Variants in IPCEF1 observed in about 807,000 individuals in gnomAD.
IPCEF1 encodes the protein interactor protein for cytohesin exchange factors 1.
In IPCEF1, 31 loss-of-function variants were observed where a neutral mutation model predicts 50.9. The observed-to-expected ratio is 0.61, with a 90% CI of 0.46 to 0.82. The LOEUF is 0.82. IPCEF1 is among the 40% of genes least tolerant of loss of function. The pLI is 0.00. For missense variants in IPCEF1, 458 were observed against 514.0 expected, an observed-to-expected ratio of 0.89 and a Z score of 1.05; for synonymous variants, 181 against 192.0, an observed-to-expected ratio of 0.94 and a Z score of 0.47.
intron 10 of IPCEF1, among the ~76,000 whole-genome samples, chr6:154,188,819 A>G (rs189260762): frequency 6.6e-6 from 1 of 152,364 alleles, no homozygotes; most frequent in East Asian, 1.9e-4. Context: ...ATATGGAGTA[A>G]GATGATATTG....
intron 8 of IPCEF1, 112 bp downstream of exon 8, chr6:154,214,106 G>A (rs1391749139): frequency 8.1e-6 from 6 of 744,644 alleles, no homozygotes; most frequent in Non-Finnish European, 1.4e-5. Flanking sequence ...AAATGCCAAA[G>A]CATGTTTCCT....
At chr6:154,290,530 C>G (rs1782487427) in intron 1 of IPCEF1, among the ~76,000 whole-genome samples, 1 of 152,182 alleles carries the variant, frequency 6.6e-6, no homozygotes, top group African/African-American at 2.4e-5. Context: ...GCCTCAGTCT[C>G]TCACTCTAAG....
At chr6:154,309,501 A>G (rs1783019917) in intron 1 of IPCEF1, among the ~76,000 whole-genome samples, 1 of 152,182 alleles carries the variant, frequency 6.6e-6, no homozygotes, top group Admixed American at 6.5e-5. Flanking sequence ...CAGAGCTGTT[A>G]GATACCATCC....
intron 7 of IPCEF1, chr6:154,219,295 ACT>A (rs1353291981): frequency 6.6e-6 from 1 of 151,854 alleles, no homozygotes; most frequent in African/African-American, 2.4e-5. Flanking sequence ...TTTCTCTGCT[ACT>A]CTGTCTCACT....
intron 1 of IPCEF1, among the ~76,000 whole-genome samples, chr6:154,355,847 C>A (rs1784209143): frequency 1.3e-5 from 2 of 150,498 alleles, no homozygotes; most frequent in South Asian, 2.1e-4. Flanking sequence ...GATGAGGTCT[C>A]ATTATTTTGC....
In IPCEF1 at chr6:154,155,972, T is replaced by G. The variant is rs1010524933; in HGVS notation, c.*3856A>C. ...ATTATCATGATTACATGAAAAGCAA[T>G]TAAGAGAAGAAGGTCAAAGGACCAA... On this transcript the variant is annotated 3_prime_UTR_variant, in exon 12 of 12. Coordinates refer to ENST00000367220, the MANE Select transcript of IPCEF1 (RefSeq NM_001130700.2). The G allele has an allele frequency of 6.6e-6, 1 of 152,194 alleles. No individual in the cohort carries two copies. The highest frequency in any genetic ancestry group is 2.4e-5 in the African/African-American group (1 of 41,454). 9.4% of individuals were successfully genotyped at this position (152,194 alleles called of 1,614,324 possible).
chr6:154,348,369 C>G (rs1307005625), intron 1 of IPCEF1, among the ~76,000 whole-genome samples: 1 of 152,070 alleles, frequency 6.6e-6, no homozygotes, highest in Non-Finnish European at 1.5e-5. Flanking sequence ...TGTATTTGAC[C>G]AAGAGAGTTC....
chr6:154,180,102 TATC>T (rs948273156), intron 10 of IPCEF1, among the ~76,000 whole-genome samples: 2 of 152,150 alleles, frequency 1.3e-5, no homozygotes, highest in Non-Finnish European at 2.9e-5. Context: ...CACTCTGTAT[TATC>T]TCTTAACTGA....
At chr6:154,195,011 C>T (rs369830094) in intron 10 of IPCEF1, among the ~76,000 whole-genome samples, 63 of 151,818 alleles carry the variant, frequency 4.1e-4, no homozygotes, top group Middle Eastern at 6.8e-3. Flanking sequence ...TGCTGCAGAA[C>T]CCCTCATCTC....
intron 5 of IPCEF1, among the ~76,000 whole-genome samples, chr6:154,232,227 A>G (rs975112024): frequency 1.3e-5 from 2 of 152,240 alleles, no homozygotes; most frequent in Non-Finnish European, 2.9e-5. Context: ...AGCTGCACGT[A>G]TTAGCATCGG....
intron 11 of IPCEF1, among the ~76,000 whole-genome samples, chr6:154,166,766 C>T (rs1208946831): frequency 6.6e-6 from 1 of 152,162 alleles, no homozygotes; most frequent in African/African-American, 2.4e-5. Flanking sequence ...TATCAGCTAT[C>T]ACAGACAAAG....
rs1799568548 is a variant in IPCEF1 at position 154,167,937 on chromosome 6, A to G, written c.1087T>C (p.Leu363=). ...INEKLHKIRT[L]NSTLKCKEHD... The stretch of plus-strand genomic sequence containing the variant: ...TTTGTTACCTTTAATGTGCTATTCA[A>G]TGTTCGGATTTTGTGGAGTTTCTCG... Residue 363 remains leucine, a synonymous_variant, in exon 11 of 12, where the codon TTG becomes CTG. Coordinates refer to ENST00000367220, the MANE Select transcript of IPCEF1 (RefSeq NM_001130700.2). 2 of 1,595,582 alleles carry G rather than the reference A, an allele frequency of 1.3e-6. No homozygotes were observed. The highest frequency in any genetic ancestry group is 1.7e-6 in the Non-Finnish European group (2 of 1,164,920).
chr6:154,276,538 G>A (rs531938833), intron 2 of IPCEF1, among the ~76,000 whole-genome samples: 2 of 152,326 alleles, frequency 1.3e-5, no homozygotes, highest in African/African-American at 2.4e-5. Flanking sequence ...CAGCAAGGTT[G>A]TAAAGTAACT....
intron 10 of IPCEF1, among the ~76,000 whole-genome samples, chr6:154,173,541 C>T (rs1162773368): frequency 6.6e-6 from 1 of 151,948 alleles, no homozygotes; most frequent in Non-Finnish European, 1.5e-5. Flanking sequence ...GCTTCAACAG[C>T]CGATTCAATC....
At chr6:154,245,583 G>C (rs891406405) in intron 5 of IPCEF1, among the ~76,000 whole-genome samples, 1 of 152,208 alleles carries the variant, frequency 6.6e-6, no homozygotes, top group African/African-American at 2.4e-5. Context: ...ATGATGTACA[G>C]CTCTGTTGCT....
intron 8 of IPCEF1, among the ~76,000 whole-genome samples, chr6:154,213,945 G>A (rs1778171439): frequency 6.6e-6 from 1 of 152,198 alleles, no homozygotes; most frequent in Admixed American, 6.5e-5. Context: ...TTAAACATTT[G>A]CATCGGTGAC....
At chr6:154,301,937 G>A (rs1782807410) in intron 1 of IPCEF1, among the ~76,000 whole-genome samples, 1 of 152,218 alleles carries the variant, frequency 6.6e-6, no homozygotes. Context: ...AAACAGCGTG[G>A]TGCCTGAGAT....
rs114438797 is a variant in IPCEF1, at chr6:154,186,357, C to T, written c.910+13311G>A. On this transcript the variant is annotated intron_variant, in intron 10 of 11. Coordinates refer to ENST00000367220, the MANE Select transcript of IPCEF1 (RefSeq NM_001130700.2). ...TGACTTCTGTCTTTCTCTTTCAAACCGCATGTCAGCAAATTCCATTGTCTC... is the reference window on the plus strand; with the variant it reads ...TGACTTCTGTCTTTCTCTTTCAAACTGCATGTCAGCAAATTCCATTGTCTC... Among the ~76,000 whole-genome samples the T allele has an allele frequency of 6.6e-3, 1,010 of 152,234 alleles. 5 individuals are homozygous for T. Among genetic ancestry groups the T allele is most frequent in the African/African-American group, 0.021 (887 of 41,534 alleles).
intron 1 of IPCEF1, among the ~76,000 whole-genome samples, chr6:154,318,191 A>G (rs1783274626): frequency 1.3e-5 from 2 of 152,098 alleles, no homozygotes; most frequent in Non-Finnish European, 2.9e-5. Context: ...GTGAGAGTAG[A>G]GGGTGGGGGG....
Sources: gnomAD v4.1 joint callset for allele counts (sites outside exome capture counted in the v4.1 genomes callset) on GRCh38, gnomAD v4.1.1 for gene constraint, MANE v1.5 for transcripts, NCBI Gene and HGNC (gene_info 2026-07-23, HGNC 2026-07-21) for gene names.